The following VASP variants were observed in gnomAD, a reference collection of about 807,000 sequenced individuals.
VASP encodes the protein vasodilator stimulated phosphoprotein.
In VASP, 27 loss-of-function variants were observed where a neutral mutation model predicts 54.4. The ratio of observed to expected loss-of-function variants is 0.50; its 90% confidence interval spans 0.37 to 0.68. The LOEUF is 0.68. Among genes scored for constraint, VASP ranks in the 30% least tolerant of loss-of-function variants. The pLI is 0.00. For synonymous variants in VASP, 233 were observed against 209.8 expected (o/e 1.11, Z -0.96); for missense variants, 488 against 528.3 (o/e 0.92, Z 0.75).
intron 11 of VASP, 134 bp downstream of exon 11, chr19:45,524,794 TGG>T: frequency 2.3e-6 from 2 of 871,274 alleles, no homozygotes; most frequent in African/African-American, 1.7e-5. Context: ...GAAACTGGAT[TGG>T]GTCAAGGATG....
At position 45,517,740 on chromosome 19, in the gene VASP, C is replaced by T. The variant is rs776120287; in HGVS notation, c.83C>T (p.Thr28Met). 9.9e-6 allele frequency: 16 copies of T among 1,613,480 alleles called. No individual in the cohort carries two copies. Among genetic ancestry groups the T allele is most frequent in the Middle Eastern group, 1.6e-4 (1 of 6,062 alleles). The change falls in exon 2 of 13, where the codon ACG becomes ATG. Residue 28 changes from threonine (T) to methionine (M), a missense_variant. Around this residue, in one of 4 missense-constraint regions of VASP, gnomAD observed 127 missense variants for 170.7 expected, o/e 0.74. Transcript: ENST00000245932. Reference protein sequence around the residue: ...DGNKRWLPAGTGPQAFSRVQI... With the variant: ...DGNKRWLPAGMGPQAFSRVQI... Reference sequence around the variant, plus strand: ...AACAAGCGATGGCTCCCTGCTGGCACGGGTCCCCAGGCCTTCAGCCGCGTC... The same window carrying T: ...AACAAGCGATGGCTCCCTGCTGGCATGGGTCCCCAGGCCTTCAGCCGCGTC...
chr19:45,523,107 C>T (rs1337078921), intron 7 of VASP, among the ~76,000 whole-genome samples: 1 of 151,734 alleles, frequency 6.6e-6, no homozygotes, highest in Admixed American at 6.6e-5. Context: ...CACAGCACCG[C>T]TCCACCCTCG....
intron 10 of VASP, 132 bp downstream of exon 10, chr19:45,524,274 T>TA: frequency 9.6e-7 from 1 of 1,045,088 alleles, no homozygotes; most frequent in Non-Finnish European, 1.4e-6. Context: ...TGGTAGCACT[T>TA]ACCTGTGGTC....
At position 45,517,961 on chromosome 19, in the gene VASP, C is replaced by G. The variant is rs890684642; in HGVS notation, c.210C>G (p.Val70=). 4 of 1,591,974 alleles carry G rather than the reference C, an allele frequency of 2.5e-6. No homozygotes were observed. Among genetic ancestry groups the G allele is most frequent in the Admixed American group, 3.4e-5 (2 of 59,130 alleles). Residue 70 remains valine (V), a synonymous_variant, in exon 3 of 13, where the codon GTC becomes GTG. Transcript: ENST00000245932. ...VVINCAIVRG[V]KYNQATPNFH... Reference sequence around the variant, plus strand: ...TCAACTGTGCCATCGTCCGGGGTGTCAAGTATAACCAGGCCACCCCCAACT... The same window carrying G: ...TCAACTGTGCCATCGTCCGGGGTGTGAAGTATAACCAGGCCACCCCCAACT...
Position 45,507,596 on chromosome 19 carries a change from C to T in VASP, c.-176C>T. 4.3e-6 allele frequency: 3 copies of T among 704,906 alleles called. No individual in the cohort carries two copies. Among genetic ancestry groups the T allele is most frequent in the Non-Finnish European group, 6.6e-6 (3 of 455,522 alleles). 43.7% of individuals were successfully genotyped at this position (704,906 alleles called of 1,614,324 possible). Reference sequence around the variant, plus strand: ...ATCAGACCGCCTGAGGGAAGCGGCGCCCGGAGACCCGCCCCGGCCCGGTCC... The same window carrying T: ...ATCAGACCGCCTGAGGGAAGCGGCGTCCGGAGACCCGCCCCGGCCCGGTCC... On this transcript the variant is annotated 5_prime_UTR_variant, in exon 1 of 13. Transcript: ENST00000245932. This position sits in a 1 kb window ranked among gnomAD's most constrained non-coding sequence, Gnocchi z 4.4.
chr19:45,509,264 C>G lies in VASP; in HGVS notation c.5+1488C>G, dbSNP rs186175237. Among the ~76,000 whole-genome samples, 614 of 152,324 alleles carry G rather than the reference C, an allele frequency of 4.0e-3. 6 individuals are homozygous for G. Among genetic ancestry groups the G allele is most frequent in the African/African-American group, 0.014 (578 of 41,568 alleles). On this transcript the variant is annotated intron_variant, in intron 1 of 12. Coordinates refer to ENST00000245932, the MANE Select transcript of VASP (RefSeq NM_003370.4). ...CCTCAAGACTTCCTGCCTATCCGCTCCCCATTATAGCAACATCCCTTCCAA... is the reference window on the plus strand; with the variant it reads ...CCTCAAGACTTCCTGCCTATCCGCTGCCCATTATAGCAACATCCCTTCCAA...
intron 1 of VASP, among the ~76,000 whole-genome samples, chr19:45,508,641 CGGCT>C (rs1669278158): frequency 6.6e-6 from 1 of 152,144 alleles, no homozygotes; most frequent in African/African-American, 2.4e-5. Flanking sequence ...CGCTGTAGGC[CGGCT>C]GCCTTCCCCA....
In VASP at chr19:45,526,185, G is replaced by A. The variant is rs1315770806; in HGVS notation, c.*8G>A. On this transcript the variant is annotated 3_prime_UTR_variant, in exon 13 of 13. Transcript: ENST00000245932. ...AAGCGGGGTTCTCCCTGACCACAGG[G>A]ACCCAGAAGACCCGCTTCTCCTTTC... 2.5e-6 allele frequency: 4 copies of A among 1,602,294 alleles called. No homozygotes were observed. Among genetic ancestry groups the A allele is most frequent in the East Asian group, 2.2e-5 (1 of 44,800 alleles).
intron 1 of VASP, among the ~76,000 whole-genome samples, chr19:45,509,803 C>A (rs1968566133): frequency 2.6e-5 from 4 of 152,146 alleles, no homozygotes. Flanking sequence ...AACTGAGGCT[C>A]AAAGAGAAAA....
In VASP at chr19:45,526,521, G is replaced by A. The variant is rs906401555; in HGVS notation, c.*344G>A. ...TCCCTTGTTCTAGATTCACTTTAAC[G>A]CTTAATGCCTTCAAAGTTTTGGTTT... is the stretch of plus-strand genomic sequence containing the variant. On this transcript the variant is annotated 3_prime_UTR_variant, in exon 13 of 13. Transcript: ENST00000245932. 1.8e-5 allele frequency: 4 copies of A among 218,192 alleles called. No homozygotes were observed. The highest frequency in any genetic ancestry group is 2.7e-5 in the Non-Finnish European group (3 of 111,642). The allele number at this position is 218,192 out of a possible 1,614,324, so 13.5% of individuals were successfully genotyped here. A position where few individuals can be genotyped will look rare whatever the true frequency, so the allele number is the denominator to read the frequency against.
At chr19:45,511,419 A>T (rs965100452) in intron 1 of VASP, among the ~76,000 whole-genome samples, 1 of 147,174 alleles carries the variant, frequency 6.8e-6, no homozygotes, top group Admixed American at 6.9e-5. Flanking sequence ...TATTGTTTCC[A>T]GGGCTGGAAA....
At chr19:45,524,271 A>C in intron 10 of VASP, 129 bp downstream of exon 10, 2 of 1,087,480 alleles carry the variant, frequency 1.8e-6, no homozygotes, top group South Asian at 1.3e-5. Context: ...GCGTGGTAGC[A>C]CTTACCTGTG....
chr19:45,513,314 G>A (rs1968636494), intron 1 of VASP, among the ~76,000 whole-genome samples: 1 of 151,952 alleles, frequency 6.6e-6, no homozygotes, highest in South Asian at 2.1e-4. Context: ...ACCTGAACAA[G>A]GCTCACTGCA....
chr19:45,525,713 G>A, intron 11 of VASP: 1 of 435,150 alleles, frequency 2.3e-6, no homozygotes, highest in Non-Finnish European at 4.1e-6. Flanking sequence ...AAAAGAAAAA[G>A]AAAAAGTTAC....
intron 4 of VASP, 68 bp downstream of exon 4, chr19:45,521,474 C>G: frequency 7.3e-7 from 1 of 1,365,652 alleles, no homozygotes; most frequent in South Asian, 1.5e-5. Flanking sequence ...GAACCCTTGA[C>G]TCCTAGAGTT....
chr19:45,522,511 G>T lies in VASP; in HGVS notation c.650G>T (p.Gly217Val). The change falls in exon 6 of 13, where the codon GGT becomes GTT. Residue 217 changes from glycine to valine, a missense_variant. Transcript: ENST00000245932. ...APPLPAAQGP[G>V]GGGAGAPGLA... ...CCTCTCCCGGCAGCACAGGGCCCTG[G>T]TGGTGGGGGAGCTGGGGCCCCAGGC... 1 of 1,458,374 alleles carries T rather than the reference G, an allele frequency of 6.9e-7. No individual in the cohort carries two copies. Among genetic ancestry groups the T allele is most frequent in the South Asian group, 1.4e-5 (1 of 69,046 alleles). 90.3% of individuals were successfully genotyped at this position (1,458,374 alleles called of 1,614,324 possible). A position where few individuals can be genotyped will look rare whatever the true frequency, so the allele number is the denominator to read the frequency against.
intron 1 of VASP, among the ~76,000 whole-genome samples, 167 bp from the exon 2 acceptor site, chr19:45,517,496 A>AT (rs955186417): frequency 1.0e-4 from 15 of 149,024 alleles, no homozygotes; most frequent in Non-Finnish European, 1.5e-5. Flanking sequence ...TCCTGATCTG[A>AT]TTTTCTCTCC....
intron 1 of VASP, among the ~76,000 whole-genome samples, chr19:45,512,027 T>C (rs1409403966): frequency 6.6e-6 from 1 of 151,994 alleles, no homozygotes; most frequent in Non-Finnish European, 1.5e-5. Flanking sequence ...TCGCTTGAAC[T>C]CGGGAAGTGG....
intron 10 of VASP, 192 bp from the exon 11 acceptor site, chr19:45,524,378 A>G (rs1968913641): frequency 1.5e-6 from 1 of 678,610 alleles, no homozygotes; most frequent in Admixed American, 2.8e-5. Flanking sequence ...CCAGCCTGAG[A>G]AATAGAATGT....
Sources: allele counts gnomAD v4.1 joint callset (sites outside exome capture counted in the v4.1 genomes callset), GRCh38; gene constraint gnomAD v4.1.1; regional missense constraint gnomAD v4.1.1; non-coding constraint Gnocchi (gnomAD v3.1); transcripts MANE v1.5; gene names NCBI Gene and HGNC (gene_info 2026-07-23, HGNC 2026-07-21).